Variants in ZNF341 observed in about 807,000 individuals in gnomAD.
ZNF341 encodes the protein zinc finger protein 341.
ZNF341 carries 52 observed loss-of-function variants against 87.7 expected under a neutral mutation model. That is an observed-to-expected ratio of 0.59 (90% confidence interval 0.47 to 0.75). The LOEUF (loss-of-function observed/expected upper bound fraction) is 0.75. Ranked by LOEUF, ZNF341 falls within the 30% of genes least tolerant of loss-of-function variation. The pLI, the probability that ZNF341 is intolerant of heterozygous loss-of-function variation, is 0.00. For synonymous variants in ZNF341, 459 were observed against 472.7 expected (o/e 0.97, Z 0.38); for missense variants, 977 against 1,145.9 (o/e 0.85, Z 2.13).
chr20:33,735,056 A>C, intron 1 of ZNF341, among the ~76,000 whole-genome samples: 1 of 148,434 alleles, frequency 6.7e-6, no homozygotes, highest in Admixed American at 6.7e-5. Flanking sequence ...TTTTTGTGAC[A>C]CTCTCACTCT....
At chr20:33,754,704 T>C (rs1026364631) in intron 5 of ZNF341, among the ~76,000 whole-genome samples, 1 of 152,166 alleles carries the variant, frequency 6.6e-6, no homozygotes, top group Non-Finnish European at 1.5e-5. Flanking sequence ...TGATTTTCCA[T>C]GTAGATGAGG....
chr20:33,752,507 C>A (rs1263610428), intron 4 of ZNF341: 3 of 490,050 alleles, frequency 6.1e-6, no homozygotes, highest in African/African-American at 5.9e-5. Flanking sequence ...GCCGAATGAC[C>A]CTTTTTCTTC....
At chr20:33,758,658 T>A (rs1568943432) in intron 6 of ZNF341, 58 bp from the exon 7 acceptor site, 4 of 1,419,096 alleles carry the variant, frequency 2.8e-6, no homozygotes, top group Non-Finnish European at 4.0e-6. Flanking sequence ...GAGGCTGCCC[T>A]TGGTGCCCTG....
intron 1 of ZNF341, among the ~76,000 whole-genome samples, chr20:33,738,624 C>G (rs927937843): frequency 1.1e-4 from 16 of 152,104 alleles, no homozygotes; most frequent in African/African-American, 3.9e-4. Context: ...AAAGGTGGTT[C>G]CAGATAGTGG....
Position 33,740,944 on chromosome 20 carries a change from A to T in ZNF341, c.74A>T (p.Asp25Val). ...QTVLAVQSLL[D>V]GQGAVPDPTG... ...GTTCTGGCTGTCCAGTCATTATTGGATGGCCAAGGAGCAGTCCCTGATCCG... is the reference window on the plus strand; with the variant it reads ...GTTCTGGCTGTCCAGTCATTATTGGTTGGCCAAGGAGCAGTCCCTGATCCG... The change falls in exon 2 of 15, where the codon GAT (aspartate) becomes GTT (valine). Residue 25 changes from aspartate to valine, a missense_variant. Asp to Val is a radical substitution (Grantham distance 152, BLOSUM62 -3). Coordinates refer to ENST00000375200, the MANE Select transcript of ZNF341 (RefSeq NM_001282933.2). 1 of 1,614,134 alleles carries T rather than the reference A, an allele frequency of 6.2e-7. No individual in the cohort carries two copies. The highest frequency in any genetic ancestry group is 8.5e-7 in the Non-Finnish European group (1 of 1,180,022).
intron 7 of ZNF341, among the ~76,000 whole-genome samples, chr20:33,759,111 C>T (rs1568943746): frequency 6.6e-6 from 1 of 152,230 alleles, no homozygotes; most frequent in Non-Finnish European, 1.5e-5. Context: ...TAGGCCTCCC[C>T]TCTGCAGAAC....
intron 8 of ZNF341, 134 bp from the exon 9 acceptor site, chr20:33,766,717 A>G: frequency 1.1e-6 from 1 of 893,220 alleles, no homozygotes; most frequent in Non-Finnish European, 1.7e-6. Context: ...TGAGTGCAGC[A>G]CCTTAAGCAC....
At position 33,748,978 on chromosome 20, in the gene ZNF341, G is replaced by A. The variant is rs776223258; in HGVS notation, c.395G>A (p.Gly132Glu). The A allele has an allele frequency of 1.9e-6, 3 of 1,614,126 alleles. No individual in the cohort carries two copies. The highest frequency in any genetic ancestry group is 2.2e-5 in the South Asian group (2 of 91,076). Residue 132 changes from glycine to glutamate, a missense_variant, in exon 4 of 15, where the codon GGG becomes GAG. Gly to Glu is a moderately conservative substitution (Grantham distance 98). Around this residue, in one of 3 missense-constraint regions of ZNF341, gnomAD observed 515 missense variants for 598.2 expected, o/e 0.86. Coordinates refer to ENST00000375200, the MANE Select transcript of ZNF341 (RefSeq NM_001282933.2). Reference protein sequence around the residue: ...PSPLIQTLVQGNILVSDDVLM... With the variant: ...PSPLIQTLVQENILVSDDVLM... ...CCACTGATCCAGACCCTGGTGCAGG[G>A]GAACATCTTGGTGAGCGATGATGTG...
intron 8 of ZNF341, among the ~76,000 whole-genome samples, chr20:33,763,989 G>A (rs2019345759): frequency 6.7e-6 from 1 of 149,874 alleles, no homozygotes; most frequent in Admixed American, 6.6e-5. Flanking sequence ...TTCAAGATCA[G>A]CCTGGGCAAT....
At chr20:33,760,790 C>T (rs565071906) in intron 7 of ZNF341, among the ~76,000 whole-genome samples, 15 of 152,106 alleles carry the variant, frequency 9.9e-5, no homozygotes, top group South Asian at 6.2e-4. Context: ...GCGATTCTTC[C>T]GTCTCAGCTT....
intron 10 of ZNF341, among the ~76,000 whole-genome samples, chr20:33,778,072 T>A (rs979492726): frequency 3.9e-5 from 6 of 152,228 alleles, no homozygotes; most frequent in Admixed American, 1.3e-4. Flanking sequence ...TTACCTTGGA[T>A]GACTTAATTC....
chr20:33,771,285 C>T (rs1314270693), intron 10 of ZNF341, among the ~76,000 whole-genome samples: 1 of 151,984 alleles, frequency 6.6e-6, no homozygotes, highest in Non-Finnish European at 1.5e-5. Context: ...GGGTTTTGCT[C>T]TGTTGCCCAG....
At chr20:33,789,617 G>C (rs745661131) in intron 14 of ZNF341, 29 bp downstream of exon 14, 1 of 1,612,054 alleles carries the variant, frequency 6.2e-7, no homozygotes, top group Non-Finnish European at 8.5e-7. Flanking sequence ...TGCTAAGAGG[G>C]TCTGGTTCAG....
chr20:33,790,217 G>A (rs1414709834), intron 14 of ZNF341, among the ~76,000 whole-genome samples: 2 of 151,888 alleles, frequency 1.3e-5, no homozygotes, highest in African/African-American at 2.4e-5. Context: ...GATTACAGGT[G>A]CCTGCCACCA....
rs2020002071 is a variant in ZNF341 at position 33,790,972 on chromosome 20, T to G, written c.2036-16T>G. 1.9e-6 allele frequency: 3 copies of G among 1,600,656 alleles called. No individual in the cohort carries two copies. Among genetic ancestry groups the G allele is most frequent in the Non-Finnish European group, 2.6e-6 (3 of 1,172,506 alleles). ...AAGGTCTGGATGCTTCTCACTGACT[T>G]TCCCTTGCCCTCCAGGCATGAAGCT... On this transcript the variant is annotated splice_polypyrimidine_tract_variant and intron_variant, in intron 14 of 14. Coordinates refer to ENST00000375200, the MANE Select transcript of ZNF341 (RefSeq NM_001282933.2).
intron 10 of ZNF341, among the ~76,000 whole-genome samples, chr20:33,774,497 A>T (rs1235095528): frequency 6.6e-6 from 1 of 152,204 alleles, no homozygotes; most frequent in Non-Finnish European, 1.5e-5. Flanking sequence ...ATGTTTACAG[A>T]TATGGATACA....
chr20:33,749,158 G>T, intron 4 of ZNF341, 86 bp downstream of exon 4: 1 of 1,506,170 alleles, frequency 6.6e-7, no homozygotes, highest in Non-Finnish European at 8.9e-7. Context: ...AGAATAAAGG[G>T]GGCCTGGCCC....
intron 12 of ZNF341, chr20:33,788,566 G>A (rs571872475): frequency 3.7e-5 from 16 of 430,558 alleles, no homozygotes; most frequent in South Asian, 1.3e-4. Flanking sequence ...ACCGCCAAAC[G>A]CACTCCTGCC....
At chr20:33,748,744 G>A (rs2122653441) in intron 3 of ZNF341, among the ~76,000 whole-genome samples, 179 bp from the exon 4 acceptor site, 1 of 152,246 alleles carries the variant, frequency 6.6e-6, no homozygotes, top group East Asian at 1.9e-4. Context: ...ACACAGCAGG[G>A]AGCAGCAGAG....
Sources: gnomAD v4.1 joint callset for allele counts (sites outside exome capture counted in the v4.1 genomes callset) on GRCh38, gnomAD v4.1.1 for gene constraint, gnomAD v4.1.1 regional missense constraint, MANE v1.5 for transcripts, NCBI Gene and HGNC (gene_info 2026-07-23, HGNC 2026-07-21) for gene names.